SBNO2: variants seen among roughly 807,000 people sequenced by gnomAD.
SBNO2 encodes strawberry notch homolog 2, also known as protein strawberry notch homolog 2.
SBNO2 carries 89 observed loss-of-function variants against 146.3 expected under a neutral mutation model. The observed-to-expected ratio is 0.61, with a 90% CI of 0.51 to 0.73. SBNO2 has a LOEUF of 0.73. Ranked by LOEUF, SBNO2 falls within the 30% of genes least tolerant of loss-of-function variation. The pLI is 0.00. For synonymous variants in SBNO2, 1,147 were observed against 892.6 expected, an observed-to-expected ratio of 1.29 and a Z score of -5.08; for missense variants, 2,092 against 2,003.7, an observed-to-expected ratio of 1.04 and a Z score of -0.84.
At chr19:1,156,084 A>G in intron 1 of SBNO2, among the ~76,000 whole-genome samples, 1 of 151,910 alleles carries the variant, frequency 6.6e-6, no homozygotes, top group East Asian at 1.9e-4. Flanking sequence ...GGGCGACCCC[A>G]TGACCGTCCT....
At chr19:1,172,663 C>T (rs1240928778) in intron 1 of SBNO2, among the ~76,000 whole-genome samples, 2 of 152,090 alleles carry the variant, frequency 1.3e-5, no homozygotes, top group African/African-American at 4.8e-5. Flanking sequence ...CTGTAATCCC[C>T]GTGTAATCGG....
intron 1 of SBNO2, among the ~76,000 whole-genome samples, chr19:1,171,179 A>G (rs1324566212): frequency 6.6e-6 from 1 of 152,054 alleles, no homozygotes; most frequent in African/African-American, 2.4e-5. Context: ...CACACGAGCA[A>G]CACACACATG....
rs1434138158 is a variant in SBNO2, at chr19:1,159,485, G to GGGGACAGCGA, written c.-126-5084_-126-5083insTCGCTGTCCC. Among the ~76,000 whole-genome samples the GGGGACAGCGA allele has an allele frequency of 7.3e-4, 78 of 107,440 alleles. 1 individual carries two copies. Among genetic ancestry groups the GGGGACAGCGA allele is most frequent in the African/African-American group, 2.9e-3 (74 of 25,690 alleles). 70.5% of individuals were successfully genotyped at this position (107,440 alleles called of 152,430 possible). ...TAGCAAGGGACAGTTGGGGACAGCA[G>GGGGACAGCGA]GGGACAGTGGGGGGACAGGGGGCAG... On this transcript the variant is annotated intron_variant, in intron 1 of 31. Transcript: ENST00000361757.
Position 1,109,509 on chromosome 19 carries a change from G to T in SBNO2, c.3213C>A (p.Tyr1071Ter). 1 of 1,596,426 alleles carries T rather than the reference G, an allele frequency of 6.3e-7. No individual in the cohort carries two copies. Among genetic ancestry groups the T allele is most frequent in the Non-Finnish European group, 8.5e-7 (1 of 1,172,862 alleles). ...GGGTAACCCCGCCCGACCCCACCTT[G>T]TAGGAGAGGTAGAAGCCGTCATAGG... ...TGPYDGFYLSYKVRGNKPSCL... is the reference protein window; with the variant it reads ...TGPYDGFYLS Residue 1071 changes from tyrosine to a stop codon, truncating the protein, a stop_gained, in exon 28 of 32, where the codon TAC (tyrosine) becomes TAA (stop). Transcript: ENST00000361757. LOFTEE classifies it high-confidence loss of function. The surrounding 1 kb of genome is among the most constrained non-coding windows in gnomAD (Gnocchi z 4.2).
At position 1,108,618 on chromosome 19, in the gene SBNO2, C is replaced by T. The variant is rs929980963; in HGVS notation, c.3703G>A (p.Ala1235Thr). The change falls in exon 32 of 32, where the codon GCC (alanine) becomes ACC (threonine). Residue 1235 changes from alanine to threonine, a missense_variant. Ala to Thr is a moderately conservative substitution (Grantham distance 58, BLOSUM62 0). Coordinates refer to ENST00000361757, the MANE Select transcript of SBNO2 (RefSeq NM_014963.3). ...DADVKRRQAP[A>T]LGCPAPPAPR... Reference sequence around the variant, plus strand: ...GCGGGCGGGGCGGGGCAGCCCAGGGCGGGCGCCTGCCTGCGCTTCACGTCC... The same window carrying T: ...GCGGGCGGGGCGGGGCAGCCCAGGGTGGGCGCCTGCCTGCGCTTCACGTCC... 2.2e-5 allele frequency: 31 copies of T among 1,437,464 alleles called. No individual in the cohort carries two copies. Among genetic ancestry groups the T allele is most frequent in the Middle Eastern group, 5.0e-4 (2 of 4,014 alleles). 89.0% of individuals were successfully genotyped at this position (1,437,464 alleles called of 1,614,324 possible).
rs1040592827 is a variant in SBNO2 at position 1,150,825 on chromosome 19, G to C, written c.94-1383C>G. On this transcript the variant is annotated intron_variant, in intron 2 of 31. Coordinates refer to ENST00000361757, the MANE Select transcript of SBNO2 (RefSeq NM_014963.3). This position sits in a 1 kb window ranked among gnomAD's most constrained non-coding sequence, Gnocchi z 6.2. ...TGGCCGGGGGCCACTTTCTGTACCC[G>C]CAGGTGCTGGGTGGGGGATTCCAGG... Among the ~76,000 whole-genome samples, 1 of 152,176 alleles carries C rather than the reference G, an allele frequency of 6.6e-6. No homozygotes were observed. Among genetic ancestry groups the C allele is most frequent in the Non-Finnish European group, 1.5e-5 (1 of 68,032 alleles).
chr19:1,111,385 G>A (rs1044973896), intron 24 of SBNO2, 121 bp downstream of exon 24: 3 of 768,790 alleles, frequency 3.9e-6, no homozygotes, highest in Non-Finnish European at 6.5e-6. Context: ...CTCTGTCCGT[G>A]TGTGGGGAGG....
At chr19:1,113,498 C>A in intron 19 of SBNO2, 37 bp downstream of exon 19, 3 of 1,549,652 alleles carry the variant, frequency 1.9e-6, no homozygotes, top group Non-Finnish European at 2.6e-6. Context: ...CTGCCCATGC[C>A]CCGCCCACCA....
intron 4 of SBNO2, among the ~76,000 whole-genome samples, chr19:1,138,770 C>T (rs1433150878): frequency 1.3e-5 from 2 of 151,172 alleles, no homozygotes; most frequent in African/African-American, 4.9e-5. Context: ...CTCCACGCCT[C>T]CATCACGGAC....
chr19:1,172,275 C>A (rs572590758), intron 1 of SBNO2, among the ~76,000 whole-genome samples: 1 of 152,214 alleles, frequency 6.6e-6, no homozygotes, highest in Non-Finnish European at 1.5e-5. Flanking sequence ...AGGCCCCCAT[C>A]CTGCTGTTCT....
intron 1 of SBNO2, among the ~76,000 whole-genome samples, chr19:1,165,336 C>A (rs928376267): frequency 6.6e-6 from 1 of 152,138 alleles, no homozygotes; most frequent in Admixed American, 6.5e-5. Context: ...CAAGCCAACC[C>A]CGAAAGTGGA....
In SBNO2 at chr19:1,112,906, G is replaced by A. The variant is rs756364794; in HGVS notation, c.2291C>T (p.Thr764Met). Residue 764 changes from threonine (T) to methionine (M), a missense_variant, in exon 20 of 32, where the codon ACG becomes ATG. Transcript: ENST00000361757. The surrounding 1 kb of genome is among the most constrained non-coding windows in gnomAD (Gnocchi z 5.9). ...KGRVVSRPDG[T>M]VAFESRAEQG... ...CTCTGCCCGCGACTCGAAGGCCACCGTCCCGTCGGGCCTGGACACCACGCG... is the reference window on the plus strand; with the variant it reads ...CTCTGCCCGCGACTCGAAGGCCACCATCCCGTCGGGCCTGGACACCACGCG... The A allele has an allele frequency of 2.7e-5, 42 of 1,568,838 alleles. No homozygotes were observed. The highest frequency in any genetic ancestry group is 3.5e-5 in the Non-Finnish European group (40 of 1,158,746).
chr19:1,154,625 T>A (rs990692433), intron 1 of SBNO2, among the ~76,000 whole-genome samples: 2 of 151,954 alleles, frequency 1.3e-5, no homozygotes, highest in African/African-American at 4.8e-5. Flanking sequence ...TTTCCTGGCC[T>A]CCCCGGCCCC....
rs1442793120 is a variant in SBNO2 at position 1,119,592 on chromosome 19, T to C, written c.1297A>G (p.Met433Val). The C allele has an allele frequency of 2.5e-6, 4 of 1,610,668 alleles. No individual in the cohort carries two copies. Among genetic ancestry groups the C allele is most frequent in the Non-Finnish European group, 3.4e-6 (4 of 1,178,762 alleles). Residue 433 changes from methionine (M) to valine (V), a missense_variant, in exon 13 of 32, where the codon ATG becomes GTG. Coordinates refer to ENST00000361757, the MANE Select transcript of SBNO2 (RefSeq NM_014963.3). Reference sequence around the variant, plus strand: ...TCGCCCCAGATACCCAAGCGGCTCATGTAGATCATGTTCCGAGGCTCAGAG... The same window carrying C: ...TCGCCCCAGATACCCAAGCGGCTCACGTAGATCATGTTCCGAGGCTCAGAG... Reference protein sequence around the residue: ...GASEPRNMIYMSRLGIWGEGT... With the variant: ...GASEPRNMIYVSRLGIWGEGT...
intron 1 of SBNO2, among the ~76,000 whole-genome samples, chr19:1,166,777 G>A (rs1599887350): frequency 2.6e-5 from 4 of 152,186 alleles, no homozygotes; most frequent in Admixed American, 2.6e-4. Flanking sequence ...CAGACTTCCG[G>A]TCCTTTGAAA....
At chr19:1,116,213 C>G in intron 16 of SBNO2, 110 bp from the exon 17 acceptor site, 1 of 966,658 alleles carries the variant, frequency 1.0e-6, no homozygotes, top group East Asian at 2.5e-5. Flanking sequence ...CCGGACAGGA[C>G]CGGGCCTGGG....
At chr19:1,130,633 C>T (rs1254730407) in intron 4 of SBNO2, among the ~76,000 whole-genome samples, 1 of 151,884 alleles carries the variant, frequency 6.6e-6, no homozygotes, top group East Asian at 1.9e-4. Flanking sequence ...GTCTACAGAA[C>T]GTTTAAAAAT....
chr19:1,160,471 G>C (rs1333723732), intron 1 of SBNO2, among the ~76,000 whole-genome samples: 2 of 152,222 alleles, frequency 1.3e-5, no homozygotes, highest in African/African-American at 4.8e-5. Context: ...GCAGTGGGGA[G>C]ACCCGGGGGA....
intron 4 of SBNO2, 81 bp from the exon 5 acceptor site, chr19:1,127,846 G>A: frequency 7.6e-7 from 1 of 1,317,852 alleles, no homozygotes; most frequent in Non-Finnish European, 1.1e-6. Context: ...GTGGGGATGG[G>A]AGACACCACG....
Sources: allele counts gnomAD v4.1 joint callset (sites outside exome capture counted in the v4.1 genomes callset), GRCh38; gene constraint gnomAD v4.1.1; non-coding constraint Gnocchi (gnomAD v3.1); transcripts MANE v1.5; gene names NCBI Gene and HGNC (gene_info 2026-07-23, HGNC 2026-07-21).